Variants in PLEKHA1 observed in about 807,000 individuals in gnomAD.
PLEKHA1 encodes pleckstrin homology domain containing A1.
In PLEKHA1, 34 loss-of-function variants were observed where a neutral mutation model predicts 52.0. That is an observed-to-expected ratio of 0.65 (90% CI 0.50 to 0.87). PLEKHA1 has a LOEUF of 0.87. Among genes scored for constraint, PLEKHA1 ranks in the 40% least tolerant of loss-of-function variants. The pLI, the probability that PLEKHA1 is intolerant of heterozygous loss-of-function variation, is 0.00. For missense variants in PLEKHA1, 497 were observed against 504.2 expected (o/e 0.99, Z 0.14); for synonymous variants, 163 against 170.7 (o/e 0.95, Z 0.35).
intron 5 of PLEKHA1, among the ~76,000 whole-genome samples, chr10:122,407,438 A>G (rs1200306195): frequency 2.0e-5 from 3 of 152,198 alleles, no homozygotes; most frequent in Non-Finnish European, 4.4e-5. Flanking sequence ...TTAATCTACC[A>G]GTGTTATAGC....
intron 4 of PLEKHA1, among the ~76,000 whole-genome samples, chr10:122,404,525 G>C (rs1342250996): frequency 1.3e-5 from 2 of 152,194 alleles, no homozygotes; most frequent in Non-Finnish European, 2.9e-5. Flanking sequence ...AAGCCATTAT[G>C]AATGAGGAGA....
At chr10:122,426,154 G>T (rs1475033297) in intron 10 of PLEKHA1, among the ~76,000 whole-genome samples, 4 of 152,042 alleles carry the variant, frequency 2.6e-5, no homozygotes, top group East Asian at 3.9e-4. Context: ...GCATTACTTT[G>T]CCTGATTTCT....
intron 5 of PLEKHA1, among the ~76,000 whole-genome samples, chr10:122,411,366 G>T (rs1424970403): frequency 1.3e-5 from 2 of 152,172 alleles, no homozygotes; most frequent in African/African-American, 2.4e-5. Flanking sequence ...TGTGGATTGG[G>T]ACTTACTGTA....
chr10:122,394,384 CTT>C (rs2096822666), intron 2 of PLEKHA1, among the ~76,000 whole-genome samples: 1 of 151,988 alleles, frequency 6.6e-6, no homozygotes, highest in Non-Finnish European at 1.5e-5. Context: ...CCTTTTGGAA[CTT>C]TTTATCTTCA....
At chr10:122,428,373 CT>C in intron 11 of PLEKHA1, 1 of 1,542,556 alleles carries the variant, frequency 6.5e-7, no homozygotes, top group Non-Finnish European at 8.7e-7. Flanking sequence ...GCAAACGTGC[CT>C]TCTTAGTGGA....
At chr10:122,409,010 G>A (rs912532981) in intron 5 of PLEKHA1, among the ~76,000 whole-genome samples, 5 of 152,056 alleles carry the variant, frequency 3.3e-5, no homozygotes, top group Admixed American at 1.3e-4. Context: ...CAAAATAGAG[G>A]TGGTTAGAGG....
intron 4 of PLEKHA1, 101 bp from the exon 5 acceptor site, chr10:122,406,475 G>A (rs1489794811): frequency 1.1e-5 from 9 of 855,304 alleles, no homozygotes; most frequent in Non-Finnish European, 1.6e-5. Context: ...AAATCCACGA[G>A]AGTCACGGTG....
chr10:122,429,898 T>C lies in PLEKHA1; in HGVS notation c.1175T>C (p.Val392Ala). 6.2e-7 allele frequency: 1 copy of C among 1,614,112 alleles called. No homozygotes were observed. The highest frequency in any genetic ancestry group is 1.1e-5 in the South Asian group (1 of 91,078). ...CCTCAGGAAAAAGATTGTGACCTAG[T>C]AGACTTGGACGATGCGAGCCTTCCG... ...NGPQEKDCDL[V>A]DLDDASLPVS... is the part of the protein sequence containing the mutation. Residue 392 changes from valine (V) to alanine (A), a missense_variant, in exon 12 of 12, where the codon GTA becomes GCA. Val to Ala is a moderately conservative substitution (Grantham distance 64). Transcript: ENST00000368990.
intron 8 of PLEKHA1, chr10:122,420,472 T>TCAC (rs2097244107): frequency 6.6e-6 from 1 of 152,142 alleles, no homozygotes; most frequent in African/African-American, 2.4e-5. Context: ...TTCTTCTGTT[T>TCAC]CACCACCCAC....
Position 122,415,969 on chromosome 10 carries a change from C to T in PLEKHA1, c.579C>T (p.Ile193=), listed in dbSNP as rs775993762. 1.2e-6 allele frequency: 2 copies of T among 1,613,086 alleles called. No individual in the cohort carries two copies. The highest frequency in any genetic ancestry group is 2.7e-5 in the African/African-American group (2 of 74,872). Residue 193 remains isoleucine (I), a synonymous_variant, in exon 7 of 12, where the codon ATC becomes ATT. Coordinates refer to ENST00000368990, the MANE Select transcript of PLEKHA1 (RefSeq NM_001001974.4). Reference sequence around the variant, plus strand: ...AACCACCTCAAGATAGTGCGGTTATCAAAGCTGGATATTGTGTAAAACAAG... The same window carrying T: ...AACCACCTCAAGATAGTGCGGTTATTAAAGCTGGATATTGTGTAAAACAAG... The part of the protein sequence containing the change: ...TPKPPQDSAV[I]KAGYCVKQGA...
the PLEKHA1 span, chr10:122,441,896 A>G: frequency 0.11 from 17,142 of 152,228 alleles, 1,341 homozygotes; most frequent in Non-Finnish European, 0.17. Flanking sequence ...GAGCTAGAGA[A>G]CCGTCCAGGT....
chr10:122,399,354 G>A (rs1271164784), intron 3 of PLEKHA1, among the ~76,000 whole-genome samples: 2 of 152,010 alleles, frequency 1.3e-5, no homozygotes, highest in South Asian at 4.2e-4. Context: ...CTTCTGGGAG[G>A]TACTTGATTT....
rs533528804 is a variant in PLEKHA1 at position 122,427,467 on chromosome 10, T to C, written c.900+436T>C. Among the ~76,000 whole-genome samples, 6 of 152,344 alleles carry C rather than the reference T, an allele frequency of 3.9e-5. 1 individual carries two copies. The South Asian group carries it at 1.2e-3, about 32-fold the overall frequency. ...CAGTTCAGGTTTTTTGGTTTTGTTTTGTTTTTTACCTTTGGCTTAACCATG... is the reference window on the plus strand; with the variant it reads ...CAGTTCAGGTTTTTTGGTTTTGTTTCGTTTTTTACCTTTGGCTTAACCATG... On this transcript the variant is annotated intron_variant, in intron 11 of 11. Coordinates refer to ENST00000368990, the MANE Select transcript of PLEKHA1 (RefSeq NM_001001974.4).
intron 8 of PLEKHA1, chr10:122,423,425 C>CAA (rs201686891): frequency 0.015 from 1,968 of 127,582 alleles, 27 homozygotes; most frequent in Middle Eastern, 0.02. Context: ...AACTCCATCT[C>CAA]AAAAAAAAAA....
At chr10:122,376,528 AT>A (rs1565091513) in intron 1 of PLEKHA1, among the ~76,000 whole-genome samples, 7 of 122,690 alleles carry the variant, frequency 5.7e-5, no homozygotes, top group African/African-American at 2.2e-4. Flanking sequence ...ATATATATAT[AT>A]ATATAATATA....
At chr10:122,441,238 G>GGCGAGAAGATTGCTTGAGTTCAGGAGT in the PLEKHA1 span, 1 of 152,224 alleles carries the variant, frequency 6.6e-6, no homozygotes. Context: ...GGGAAGCCGA[G>GGCGAGAAGATTGCTTGAGTTCAGGAGT]GCGAGAAGAT....
intron 6 of PLEKHA1, among the ~76,000 whole-genome samples, chr10:122,414,891 TG>T (rs985358366): frequency 3.7e-5 from 5 of 135,528 alleles, no homozygotes; most frequent in Non-Finnish European, 5.1e-5. Context: ...GTTTATGTTT[TG>T]TTTTTTTTTT....
chr10:122,442,093 C>G, the PLEKHA1 span: 2 of 152,316 alleles, frequency 1.3e-5, no homozygotes, highest in East Asian at 3.9e-4. Flanking sequence ...CTCAAACACC[C>G]ATAGCTTCCC....
chr10:122,429,069 T>C (rs567399307), intron 11 of PLEKHA1, among the ~76,000 whole-genome samples: 1 of 152,346 alleles, frequency 6.6e-6, no homozygotes, highest in African/African-American at 2.4e-5. Flanking sequence ...ACTGTGCTAT[T>C]ATTGGTTGCA....
Sources: gnomAD v4.1 joint callset for allele counts (sites outside exome capture counted in the v4.1 genomes callset) on GRCh38, gnomAD v4.1.1 for gene constraint, MANE v1.5 for transcripts, NCBI Gene and HGNC (gene_info 2026-07-23, HGNC 2026-07-21) for gene names.